Variants in CD82 observed in about 807,000 individuals in gnomAD.
The protein encoded by CD82 is CD82 molecule, also known as CD82 antigen.
In CD82, 36 loss-of-function variants were observed where a neutral mutation model predicts 37.4. The ratio of observed to expected loss-of-function variants is 0.96; its 90% CI spans 0.74 to 1.27. The LOEUF is 1.27. Among genes scored for constraint, CD82 ranks in the 50% most tolerant of loss-of-function variants. CD82 has a pLI of 0.00. For missense variants in CD82, 340 were observed against 347.0 expected (o/e 0.98, Z 0.16); for synonymous variants, 158 against 137.4 (o/e 1.15, Z -1.05).
intron 7 of CD82, among the ~76,000 whole-genome samples, chr11:44,617,104 C>T (rs891691945): frequency 6.6e-6 from 1 of 152,138 alleles, no homozygotes; most frequent in African/African-American, 2.4e-5. Context: ...AGGAAGGAAG[C>T]GGTCCAGGAA....
chr11:44,587,215 T>G, intron 1 of CD82: 6 of 340,456 alleles, frequency 1.8e-5, no homozygotes, highest in South Asian at 4.5e-5. Flanking sequence ...TGTGGGAAAA[T>G]ACGGGAAAAG....
At chr11:44,566,876 A>G (rs1048811618) in intron 1 of CD82, among the ~76,000 whole-genome samples, 2 of 152,102 alleles carry the variant, frequency 1.3e-5, no homozygotes, top group Admixed American at 1.3e-4. Context: ...TGCCACCAAC[A>G]TCACTCTATT....
At chr11:44,618,764 T>A (rs1369567650) in intron 9 of CD82, 41 bp downstream of exon 9, 3 of 1,521,694 alleles carry the variant, frequency 2.0e-6, no homozygotes, top group South Asian at 2.3e-5. Context: ...TCCCAGGTCC[T>A]CCTGGGTTGT....
At chr11:44,598,243 T>C (rs1853256338) in intron 3 of CD82, among the ~76,000 whole-genome samples, 2 of 152,046 alleles carry the variant, frequency 1.3e-5, no homozygotes, top group South Asian at 4.2e-4. Flanking sequence ...TCAGTCACAG[T>C]GGTCTTTAAG....
rs367548701 is a variant in CD82, at chr11:44,595,156, C to T, written c.63+431C>T. Among the ~76,000 whole-genome samples, 8 of 152,258 alleles carry T rather than the reference C, an allele frequency of 5.3e-5. No individual in the cohort carries two copies. The East Asian group carries it at 7.7e-4, about 15-fold the overall frequency. On this transcript the variant is annotated intron_variant, in intron 3 of 9. Transcript: ENST00000227155. ...GCCCCAGTTGCCCCTATCACACCCC[C>T]GTCCCTGTCGTGGGAAGGTATCTCC...
intron 6 of CD82, chr11:44,608,103 A>G (rs1246841021): frequency 6.6e-6 from 1 of 152,168 alleles, no homozygotes; most frequent in African/African-American, 2.4e-5. Context: ...TGGAATGAAC[A>G]ATATATTTTT....
intron 4 of CD82, among the ~76,000 whole-genome samples, chr11:44,600,435 G>A (rs989641328): frequency 1.3e-5 from 2 of 152,154 alleles, no homozygotes; most frequent in Admixed American, 6.5e-5. Context: ...CTTCTTCCCC[G>A]AACAAAGCTG....
intron 2 of CD82, among the ~76,000 whole-genome samples, chr11:44,593,358 C>A (rs752750920): frequency 6.6e-6 from 1 of 152,264 alleles, no homozygotes; most frequent in Non-Finnish European, 1.5e-5. Context: ...CTCCACCCCC[C>A]CAGCCCAGCT....
chr11:44,587,670 G>A lies in CD82; in HGVS notation c.-21+114G>A, dbSNP rs1315170338. ...GGTGTTCAGTCTGAGCCACCAGGTGGGTGGAGGGACCACTTCTTCCCCTTC... is the reference window on the plus strand; with the variant it reads ...GGTGTTCAGTCTGAGCCACCAGGTGAGTGGAGGGACCACTTCTTCCCCTTC... On this transcript the variant is annotated intron_variant, in intron 2 of 9. Transcript: ENST00000227155. The A allele has an allele frequency of 1.6e-5, 7 of 442,260 alleles. No individual in the cohort carries two copies. In the East Asian group the frequency reaches 4.3e-4, roughly 27 times the overall value. The allele number at this position is 442,260 out of a possible 1,614,324, so 27.4% of individuals were successfully genotyped here.
At chr11:44,573,591 A>G (rs1247513912) in intron 1 of CD82, among the ~76,000 whole-genome samples, 1 of 152,164 alleles carries the variant, frequency 6.6e-6, no homozygotes, top group East Asian at 1.9e-4. Flanking sequence ...TTTCCATCCG[A>G]AAGCCCCTCT....
At position 44,618,251 on chromosome 11, in the gene CD82, C is replaced by A. The variant is rs139816598; in HGVS notation, c.528C>A (p.Cys176Ter). The A allele has an allele frequency of 7.4e-6, 12 of 1,613,992 alleles. No homozygotes were observed. Among genetic ancestry groups the A allele is most frequent in the South Asian group, 1.1e-5 (1 of 91,074 alleles). ...NRPEVTYPCSCEVKGEEDNSL... is the reference protein window; with the variant it reads ...NRPEVTYPCS ...CTGAGGTCACCTACCCCTGTTCCTG[C>A]GAAGTCAAGGGGGAAGAGGACAACA... Residue 176 changes from cysteine to a stop codon, truncating the protein, a stop_gained, in exon 8 of 10, where the codon TGC (cysteine) becomes TGA (stop). Coordinates refer to ENST00000227155, the MANE Select transcript of CD82 (RefSeq NM_002231.4). LOFTEE classifies it high-confidence loss of function.
intron 3 of CD82, among the ~76,000 whole-genome samples, chr11:44,599,928 AG>A (rs969151364): frequency 6.6e-5 from 10 of 152,090 alleles, no homozygotes; most frequent in African/African-American, 2.2e-4. Flanking sequence ...CACATGGTGG[AG>A]GGGGGCAAGA....
intron 1 of CD82, among the ~76,000 whole-genome samples, chr11:44,575,360 C>T (rs1218080326): frequency 1.3e-5 from 2 of 152,220 alleles, no homozygotes; most frequent in African/African-American, 4.8e-5. Context: ...TCCTTCCTCC[C>T]CAACAGTCTC....
chr11:44,616,006 T>C (rs1853558945), intron 7 of CD82, among the ~76,000 whole-genome samples: 1 of 152,158 alleles, frequency 6.6e-6, no homozygotes, highest in African/African-American at 2.4e-5. Flanking sequence ...AGTGATCCAA[T>C]GACCACCTGG....
At chr11:44,613,632 G>A (rs1048270013) in intron 6 of CD82, among the ~76,000 whole-genome samples, 3 of 152,044 alleles carry the variant, frequency 2.0e-5, no homozygotes, top group Admixed American at 1.3e-4. Flanking sequence ...AGACCAGCCC[G>A]GGCAACATGG....
intron 2 of CD82, among the ~76,000 whole-genome samples, chr11:44,589,161 C>T (rs1565085351): frequency 6.6e-6 from 1 of 152,200 alleles, no homozygotes; most frequent in South Asian, 2.1e-4. Context: ...GAGGCTGAAG[C>T]AGGAGAATCA....
At chr11:44,601,123 C>T (rs1006671568) in intron 4 of CD82, among the ~76,000 whole-genome samples, 6 of 152,174 alleles carry the variant, frequency 3.9e-5, no homozygotes, top group African/African-American at 1.2e-4. Flanking sequence ...ACAGCGGAAG[C>T]CCCCAGGGGA....
intron 1 of CD82, among the ~76,000 whole-genome samples, chr11:44,584,391 G>C (rs991652609): frequency 3.3e-5 from 5 of 152,174 alleles, no homozygotes; most frequent in African/African-American, 1.2e-4. Context: ...GGTTCAAGCA[G>C]TTCTCCTGCC....
chr11:44,597,659 A>G lies in CD82; in HGVS notation c.64-2499A>G, dbSNP rs1225250079. 6.6e-6 allele frequency among the ~76,000 whole-genome samples: 1 copy of G among 151,768 alleles called. No individual in the cohort carries two copies. Among genetic ancestry groups the G allele is most frequent in the African/African-American group, 2.4e-5 (1 of 41,266 alleles). ...TTGGGATTATGTGTGCCAAGAGGGGATTTTCTGTCCTGCCTCCCATTCCCT... is the reference window on the plus strand; with the variant it reads ...TTGGGATTATGTGTGCCAAGAGGGGGTTTTCTGTCCTGCCTCCCATTCCCT... On this transcript the variant is annotated intron_variant, in intron 3 of 9. Coordinates refer to ENST00000227155, the MANE Select transcript of CD82 (RefSeq NM_002231.4). This position sits in a 1 kb window ranked among gnomAD's most constrained non-coding sequence, Gnocchi z 4.1.
Sources: allele counts gnomAD v4.1 joint callset (sites outside exome capture counted in the v4.1 genomes callset), GRCh38; gene constraint gnomAD v4.1.1; non-coding constraint Gnocchi (gnomAD v3.1); transcripts MANE v1.5; gene names NCBI Gene and HGNC (gene_info 2026-07-23, HGNC 2026-07-21).